The following PRDM16 variants were observed in gnomAD, a reference collection of about 807,000 sequenced individuals.
PRDM16 encodes PR/SET domain 16.
A neutral mutation model predicts 110.6 loss-of-function variants in PRDM16; 23 were observed. That is an observed-to-expected ratio of 0.21 (90% confidence interval 0.15 to 0.29). The LOEUF is 0.29. Among genes scored for constraint, PRDM16 ranks in the 10% least tolerant of loss-of-function variants. PRDM16 has a pLI of 1.00. For missense variants in PRDM16, 1,615 were observed against 1,794.3 expected, an observed-to-expected ratio of 0.90 and a Z score of 1.81; for synonymous variants, 799 against 781.8, an observed-to-expected ratio of 1.02 and a Z score of -0.37.
chr1:3,118,110 TGTGC>T (rs1413179320), intron 1 of PRDM16, among the ~76,000 whole-genome samples: 3 of 129,038 alleles, frequency 2.3e-5, no homozygotes, highest in African/African-American at 8.2e-5. Flanking sequence ...TGCATGTGTG[TGTGC>T]GTGTGCGTGT....
At chr1:3,338,644 A>G (rs1642209942) in intron 3 of PRDM16, among the ~76,000 whole-genome samples, 1 of 152,044 alleles carries the variant, frequency 6.6e-6, no homozygotes, top group Non-Finnish European at 1.5e-5. Context: ...CCCGGGCTCC[A>G]CCACTCAGGG....
rs1387402221 is a variant in PRDM16, at chr1:3,124,952, C to G, written c.37+55656C>G. Among the ~76,000 whole-genome samples the G allele has an allele frequency of 2.0e-5, 3 of 152,206 alleles. No individual in the cohort carries two copies. In the East Asian group the frequency reaches 5.8e-4, roughly 29 times the overall value. On this transcript the variant is annotated intron_variant, in intron 1 of 16. Coordinates refer to ENST00000270722, the MANE Select transcript of PRDM16 (RefSeq NM_022114.4). ...GAAGCGAGCAGCTGCAGTGTGGCCC[C>G]TGTGTGTCCTGGGTTCCAGCTCCCG... is the stretch of plus-strand genomic sequence containing the variant.
In PRDM16 at chr1:3,117,993, C is replaced by T. The variant is rs373023536; in HGVS notation, c.37+48697C>T. 7.7e-3 allele frequency among the ~76,000 whole-genome samples: 1,165 copies of T among 151,162 alleles called. 12 individuals are homozygous for T. Among genetic ancestry groups the T allele is most frequent in the African/African-American group, 0.026 (1,086 of 41,100 alleles). ...CTCATGCTGTGTGTGTGTACATGCA[C>T]GCGTGTGTGCGTGTGCGTGTGTGCA... On this transcript the variant is annotated intron_variant, in intron 1 of 16. Transcript: ENST00000270722.
In PRDM16 at chr1:3,244,445, C is replaced by G. The variant is rs80129380; in HGVS notation, c.438+308C>G. ...GTGGGAAAGCTTCAGGCCACGCAGA[C>G]AGGAAAATTAAATAAACGCAGGTTG... On this transcript the variant is annotated intron_variant, in intron 3 of 16. Coordinates refer to ENST00000270722, the MANE Select transcript of PRDM16 (RefSeq NM_022114.4). This position sits in a 1 kb window ranked among gnomAD's most constrained non-coding sequence, Gnocchi z 4.1. Among the ~76,000 whole-genome samples, 5,021 of 152,134 alleles carry G rather than the reference C, an allele frequency of 0.033. 286 individuals carry two copies. Among genetic ancestry groups the G allele is most frequent in the African/African-American group, 0.11 (4,677 of 41,478 alleles).
chr1:3,313,591 C>G (rs1641518491), intron 3 of PRDM16, among the ~76,000 whole-genome samples: 1 of 152,244 alleles, frequency 6.6e-6, no homozygotes, highest in African/African-American at 2.4e-5. Context: ...GCTCAAGAGT[C>G]CTTCCCTCCC....
At chr1:3,291,155 G>A (rs1486501628) in intron 3 of PRDM16, among the ~76,000 whole-genome samples, 8 of 152,040 alleles carry the variant, frequency 5.3e-5, no homozygotes, top group South Asian at 2.1e-4. Context: ...GGACCAGGAC[G>A]ATGCACAGCT....
rs182903782 is a variant in PRDM16, at chr1:3,405,509, C to T, written c.1047C>T (p.Pro349=). The part of the protein sequence containing the change: ...CENCVKVFTD[P]SNLQRHIRSQ... ...CGTCTCCCCAGGTGTTCACGGACCCCAGCAACCTTCAGCGGCACATCCGCT... is the reference window on the plus strand; with the variant it reads ...CGTCTCCCCAGGTGTTCACGGACCCTAGCAACCTTCAGCGGCACATCCGCT... Residue 349 remains proline, a synonymous_variant, in exon 8 of 17, where the codon CCC becomes CCT. Coordinates refer to ENST00000270722, the MANE Select transcript of PRDM16 (RefSeq NM_022114.4). 57 of 1,591,968 alleles carry T rather than the reference C, an allele frequency of 3.6e-5. No individual in the cohort carries two copies. The East Asian group carries it at 1.2e-3, about 34-fold the overall frequency.
At chr1:3,405,334 T>C (rs1042176736) in intron 7 of PRDM16, among the ~76,000 whole-genome samples, 161 bp from the exon 8 acceptor site, 1 of 152,222 alleles carries the variant, frequency 6.6e-6, no homozygotes, top group African/African-American at 2.4e-5. Flanking sequence ...CAGCGGGTCC[T>C]TGCTACACAG....
At chr1:3,357,010 C>A (rs530420187) in intron 3 of PRDM16, among the ~76,000 whole-genome samples, 51 of 152,338 alleles carry the variant, frequency 3.3e-4, no homozygotes, top group African/African-American at 1.1e-3. Context: ...CTACACCCAG[C>A]TGCAGCTTGC....
At position 3,351,999 on chromosome 1, in the gene PRDM16, G is replaced by A. The variant is rs145611911; in HGVS notation, c.439-33153G>A. 3.4e-3 allele frequency among the ~76,000 whole-genome samples: 518 copies of A among 152,082 alleles called. 4 individuals are homozygous for A. The highest frequency in any genetic ancestry group is 0.012 in the African/African-American group (488 of 41,498). ...GAGACCCTAAGGACCTCCCCAAAGAGCAAGATGACCACACACTTTACCTCC... is the reference window on the plus strand; with the variant it reads ...GAGACCCTAAGGACCTCCCCAAAGAACAAGATGACCACACACTTTACCTCC... On this transcript the variant is annotated intron_variant, in intron 3 of 16. Coordinates refer to ENST00000270722, the MANE Select transcript of PRDM16 (RefSeq NM_022114.4).
rs375535578 is a variant in PRDM16 at position 3,412,028 on chromosome 1, A to G, written c.1831A>G (p.Thr611Ala). 6.2e-7 allele frequency: 1 copy of G among 1,613,056 alleles called. No homozygotes were observed. The highest frequency in any genetic ancestry group is 8.5e-7 in the Non-Finnish European group (1 of 1,179,724). Residue 611 changes from threonine to alanine, a missense_variant, in exon 9 of 17, where the codon ACG becomes GCG. Thr to Ala is a moderately conservative substitution (Grantham distance 58). Transcript: ENST00000270722. ...TGACTTTGAGGACGTCAACACCACCACGGGGACCGACCTGGACACGACCAC... is the reference window on the plus strand; with the variant it reads ...TGACTTTGAGGACGTCAACACCACCGCGGGGACCGACCTGGACACGACCAC... The part of the protein sequence containing the change: ...GSDFEDVNTT[T>A]GTDLDTTTGT...
At chr1:3,238,276 C>T (rs530899889) in intron 2 of PRDM16, among the ~76,000 whole-genome samples, 5 of 152,224 alleles carry the variant, frequency 3.3e-5, no homozygotes, top group South Asian at 2.1e-4. Flanking sequence ...TAAACAGCGG[C>T]GTAGAGACCT....
chr1:3,224,690 T>C (rs924103840), intron 2 of PRDM16, among the ~76,000 whole-genome samples: 2 of 152,002 alleles, frequency 1.3e-5, no homozygotes, highest in African/African-American at 2.4e-5. Context: ...GATGATGAGG[T>C]GGAGGAATGA....
intron 3 of PRDM16, among the ~76,000 whole-genome samples, chr1:3,256,361 T>A (rs1239770974): frequency 2.0e-5 from 3 of 152,170 alleles, no homozygotes; most frequent in African/African-American, 4.8e-5. Flanking sequence ...CCATTCTACA[T>A]TCATGCGTAA....
chr1:3,329,493 G>A (rs1431299058), intron 3 of PRDM16, among the ~76,000 whole-genome samples: 1 of 152,198 alleles, frequency 6.6e-6, no homozygotes, highest in African/African-American at 2.4e-5. Flanking sequence ...GGGCCGAGGG[G>A]TTTGCAGCAA....
rs530702293 is a variant in PRDM16 at position 3,246,560 on chromosome 1, A to G, written c.438+2423A>G. ...CTCCCTGCCGCTGCCCTGCAGGCCC[A>G]GTCCGAGGGGCTGGGGGCTGCCTGG... On this transcript the variant is annotated intron_variant, in intron 3 of 16. Transcript: ENST00000270722. This position sits in a 1 kb window ranked among gnomAD's most constrained non-coding sequence, Gnocchi z 5.2. 4.8e-4 allele frequency among the ~76,000 whole-genome samples: 73 copies of G among 152,340 alleles called. No individual in the cohort carries two copies. The highest frequency in any genetic ancestry group is 1.8e-3 in the African/African-American group (73 of 41,582).
intron 2 of PRDM16, among the ~76,000 whole-genome samples, chr1:3,187,915 G>A (rs113440265): frequency 0.014 from 2,058 of 152,308 alleles, 44 homozygotes; most frequent in African/African-American, 0.047. Flanking sequence ...GCAGCTCTAC[G>A]GGCAGCCCCT....
chr1:3,115,916 C>T (rs1569594322), intron 1 of PRDM16, among the ~76,000 whole-genome samples: 1 of 152,228 alleles, frequency 6.6e-6, no homozygotes, highest in East Asian at 1.9e-4. Flanking sequence ...TGCAGCCTCC[C>T]ACCCTGTGTC....
chr1:3,193,449 C>G (rs920027582), intron 2 of PRDM16, among the ~76,000 whole-genome samples: 14 of 152,322 alleles, frequency 9.2e-5, no homozygotes, highest in African/African-American at 3.4e-4. Flanking sequence ...TGACATAGCT[C>G]TCCTCTGTAG....
Sources: allele counts gnomAD v4.1 joint callset (sites outside exome capture counted in the v4.1 genomes callset), GRCh38; gene constraint gnomAD v4.1.1; non-coding constraint Gnocchi (gnomAD v3.1); transcripts MANE v1.5; gene names NCBI Gene and HGNC (gene_info 2026-07-23, HGNC 2026-07-21).